The following ARHGAP22 variants were observed in gnomAD, a reference collection of about 807,000 sequenced individuals.
ARHGAP22 encodes the protein rho GTPase-activating protein 22.
In ARHGAP22, 48 loss-of-function variants were observed where a neutral mutation model predicts 59.1. That is an observed-to-expected ratio of 0.81 (90% CI 0.64 to 1.03). The LOEUF (loss-of-function observed/expected upper bound fraction) is 1.03. ARHGAP22 is among the 50% of genes least tolerant of loss of function. The pLI, the probability that ARHGAP22 is intolerant of heterozygous loss-of-function variation, is 0.00. For synonymous variants in ARHGAP22, 445 were observed against 416.4 expected (o/e 1.07, Z -0.84); for missense variants, 1,015 against 958.7 (o/e 1.06, Z -0.78).
chr10:48,593,505 C>T (rs1208274964), intron 1 of ARHGAP22, among the ~76,000 whole-genome samples: 1 of 152,184 alleles, frequency 6.6e-6, no homozygotes, highest in African/African-American at 2.4e-5. Flanking sequence ...CTTTTGTGCT[C>T]TGGAGCCATT....
At chr10:48,597,697 G>T (rs1331426353) in intron 1 of ARHGAP22, among the ~76,000 whole-genome samples, 3 of 152,200 alleles carry the variant, frequency 2.0e-5, no homozygotes. Context: ...GGGGCTGATG[G>T]CCCAGGACCC....
intron 1 of ARHGAP22, among the ~76,000 whole-genome samples, chr10:48,602,725 C>T (rs185981437): frequency 1.6e-4 from 25 of 152,292 alleles, no homozygotes; most frequent in Admixed American, 3.9e-4. Context: ...CCTGCTTTCA[C>T]GAAGCTCATG....
chr10:48,455,117 G>C lies in ARHGAP22; in HGVS notation c.677C>G (p.Thr226Arg). 6.2e-7 allele frequency: 1 copy of C among 1,611,298 alleles called. No individual in the cohort carries two copies. Among genetic ancestry groups the C allele is most frequent in the Non-Finnish European group, 8.5e-7 (1 of 1,179,050 alleles). Residue 226 changes from threonine (T) to arginine (R), a missense_variant, in exon 6 of 10, where the codon ACG (threonine) becomes AGG (arginine). Physicochemically the swap from Thr to Arg is moderately conservative, Grantham distance 71 (BLOSUM62 -1). Transcript: ENST00000249601. ...PLFDSTTDVHTVASLLKLYLR... is the reference protein window; with the variant it reads ...PLFDSTTDVHRVASLLKLYLR... ...GTACAGCTTCAGCAGGGAGGCCACC[G>C]TGTGCACGTCTGTTGTGCTGTGGGG...
intron 3 of ARHGAP22, among the ~76,000 whole-genome samples, chr10:48,537,966 G>A (rs140292175): frequency 0.012 from 1,896 of 152,348 alleles, 17 homozygotes; most frequent in Non-Finnish European, 0.015. Flanking sequence ...GCCCTGCTGC[G>A]GAGGGCCAGT....
intron 3 of ARHGAP22, among the ~76,000 whole-genome samples, chr10:48,529,650 T>A (rs996054356): frequency 6.6e-6 from 1 of 152,174 alleles, no homozygotes; most frequent in African/African-American, 2.4e-5. Flanking sequence ...AGTGATACCA[T>A]GTGGAGCAGA....
intron 3 of ARHGAP22, among the ~76,000 whole-genome samples, chr10:48,544,541 T>C (rs888148266): frequency 2.0e-5 from 3 of 152,210 alleles, no homozygotes; most frequent in African/African-American, 7.2e-5. Context: ...GAAGCAGGTG[T>C]GCCTGAGCAA....
chr10:48,551,574 C>T (rs1022961311), intron 3 of ARHGAP22, among the ~76,000 whole-genome samples: 1 of 152,246 alleles, frequency 6.6e-6, no homozygotes, highest in South Asian at 2.1e-4. Flanking sequence ...GGTTTTCCTG[C>T]GTGTCCCCGC....
chr10:48,592,561 C>T (rs2059824239), intron 1 of ARHGAP22, among the ~76,000 whole-genome samples: 1 of 152,212 alleles, frequency 6.6e-6, no homozygotes, highest in African/African-American at 2.4e-5. Flanking sequence ...ACTCCCATCT[C>T]CCCGTCTTCC....
In ARHGAP22 at chr10:48,614,582, C is replaced by T. The variant is rs187274922; in HGVS notation, c.53-31430G>A. On this transcript the variant is annotated intron_variant, in intron 1 of 9. Coordinates refer to the ARHGAP22 transcript ENST00000435790. Reference sequence around the variant, plus strand: ...CATTTCAAAATTCTGTCTCCTGTAGCAGCAGCAGCAACAACAACAAAAAAG... The same window carrying T: ...CATTTCAAAATTCTGTCTCCTGTAGTAGCAGCAGCAACAACAACAAAAAAG... Among the ~76,000 whole-genome samples the T allele has an allele frequency of 8.5e-5, 13 of 152,270 alleles. No homozygotes were observed. In the East Asian group the frequency reaches 2.5e-3, roughly 29 times the overall value.
the ARHGAP22 span, among the ~76,000 whole-genome samples, chr10:48,431,531 G>C: frequency 3.9e-5 from 6 of 152,098 alleles, no homozygotes. Flanking sequence ...TGGCATTGTT[G>C]CTGGGTCTTT....
chr10:48,455,761 TG>T, intron 5 of ARHGAP22, among the ~76,000 whole-genome samples: 1 of 152,162 alleles, frequency 6.6e-6, no homozygotes, highest in African/African-American at 2.4e-5. Flanking sequence ...TTGGCTGGAG[TG>T]GGAGGAGCTG....
At chr10:48,597,342 A>C (rs1212676839) in intron 1 of ARHGAP22, among the ~76,000 whole-genome samples, 1 of 152,112 alleles carries the variant, frequency 6.6e-6, no homozygotes, top group Non-Finnish European at 1.5e-5. Context: ...GCTAAAGGGC[A>C]TGAGATTACT....
chr10:48,633,152 T>A lies in ARHGAP22; in HGVS notation c.52+19082A>T, dbSNP rs1370074169. Among the ~76,000 whole-genome samples the A allele has an allele frequency of 2.0e-5, 3 of 152,228 alleles. No individual in the cohort carries two copies. The East Asian group carries it at 5.8e-4, about 29-fold the overall frequency. Reference sequence around the variant, plus strand: ...CTAGAGCAGTGCCTGGCACAACTCATGTTTGCTGGGTGACTGAATAAATTA... The same window carrying A: ...CTAGAGCAGTGCCTGGCACAACTCAAGTTTGCTGGGTGACTGAATAAATTA... On this transcript the variant is annotated intron_variant, in intron 1 of 9. Transcript: ENST00000435790.
intron 1 of ARHGAP22, among the ~76,000 whole-genome samples, chr10:48,645,927 A>G (rs2136187881): frequency 6.6e-6 from 1 of 152,304 alleles, no homozygotes; most frequent in Middle Eastern, 3.4e-3. Context: ...TTTGCAGATG[A>G]TATGATACTG....
chr10:48,608,149 T>C (rs554132159), upstream of ARHGAP22, among the ~76,000 whole-genome samples: 1 of 152,316 alleles, frequency 6.6e-6, no homozygotes, highest in Non-Finnish European at 1.5e-5. Flanking sequence ...CAACTGCACA[T>C]GGGGTGTTTG....
At chr10:48,504,563 C>G (rs551692477) in intron 3 of ARHGAP22, among the ~76,000 whole-genome samples, 1 of 152,292 alleles carries the variant, frequency 6.6e-6, no homozygotes, top group African/African-American at 2.4e-5. Context: ...ACAGCAGGGG[C>G]TGGCTTTCTT....
intron 3 of ARHGAP22, among the ~76,000 whole-genome samples, chr10:48,482,834 A>G (rs1281290086): frequency 6.6e-6 from 1 of 152,106 alleles, no homozygotes; most frequent in African/African-American, 2.4e-5. Context: ...TATGCAATAC[A>G]TTGTTGTTAA....
intron 2 of ARHGAP22, chr10:48,574,883 C>T (rs987600591): frequency 2.0e-5 from 3 of 152,180 alleles, no homozygotes; most frequent in Non-Finnish European, 4.4e-5. Flanking sequence ...AGGTCAAGGA[C>T]TCAGGGAAGG....
intron 1 of ARHGAP22, among the ~76,000 whole-genome samples, chr10:48,617,603 C>T (rs2061131601): frequency 6.6e-6 from 1 of 151,804 alleles, no homozygotes; most frequent in African/African-American, 2.4e-5. Context: ...CTTGACCAAC[C>T]AATGGATTGA....
Sources: allele counts gnomAD v4.1 joint callset (sites outside exome capture counted in the v4.1 genomes callset), GRCh38; gene constraint gnomAD v4.1.1; transcripts MANE v1.5; gene names NCBI Gene and HGNC (gene_info 2026-07-23, HGNC 2026-07-21).